KCTD1: variants seen among roughly 807,000 people sequenced by gnomAD.
The protein encoded by KCTD1 is potassium channel tetramerization domain containing 1.
Under a neutral mutation model 66.0 loss-of-function variants are expected in KCTD1, and 24 were observed. The ratio of observed to expected loss-of-function variants is 0.36; its 90% CI spans 0.26 to 0.51. The LOEUF (loss-of-function observed/expected upper bound fraction) is 0.51, where lower values mean the gene tolerates loss of function less well. Ranked by LOEUF, KCTD1 falls within the 20% of genes least tolerant of loss-of-function variation. The pLI, the probability that KCTD1 is intolerant of heterozygous loss-of-function variation, is 0.95. For synonymous variants in KCTD1, 511 were observed against 517.2 expected, an observed-to-expected ratio of 0.99 and a Z score of 0.16; for missense variants, 943 against 1,205.2, an observed-to-expected ratio of 0.78 and a Z score of 3.22.
intron 1 of KCTD1, among the ~76,000 whole-genome samples, chr18:26,618,053 T>C (rs1987296204): frequency 6.7e-6 from 1 of 149,540 alleles, no homozygotes; most frequent in Non-Finnish European, 1.5e-5. Flanking sequence ...GCAGTGTTAA[T>C]GAGGAAAAAA....
At chr18:26,549,791 C>T (rs1383823720), upstream of KCTD1, 3 of 984,984 alleles carry the variant, frequency 3.0e-6, no homozygotes, top group Non-Finnish European at 3.6e-6. Context: ...CGCGCGGGGG[C>T]GGGCACCTCG....
At chr18:26,555,252 A>G (rs1379159790) in intron 1 of KCTD1, among the ~76,000 whole-genome samples, 3 of 152,214 alleles carry the variant, frequency 2.0e-5, no homozygotes, top group Non-Finnish European at 4.4e-5. Flanking sequence ...GAACTTAAAC[A>G]CTTTCTACCC....
At chr18:26,460,989 A>G (rs1454787007) in intron 3 of KCTD1, 2 of 152,188 alleles carry the variant, frequency 1.3e-5, no homozygotes, top group Non-Finnish European at 2.9e-5. Flanking sequence ...TGACACAGGC[A>G]TTTGTGCCTT....
chr18:26,516,783 A>G (rs2144735626), intron 1 of KCTD1, among the ~76,000 whole-genome samples: 1 of 152,312 alleles, frequency 6.6e-6, no homozygotes, highest in East Asian at 1.9e-4. Flanking sequence ...AGGCTCTAGA[A>G]TGGAGTGCTC....
chr18:26,500,422 A>AAAT (rs1186623403), intron 2 of KCTD1, among the ~76,000 whole-genome samples: 145 of 152,146 alleles, frequency 9.5e-4, no homozygotes, highest in African/African-American at 3.4e-3. Context: ...CCTGGCTCCA[A>AAAT]AATAATAATA....
At chr18:26,549,052 G>A (rs2144847051), upstream of KCTD1, 6 of 985,156 alleles carry the variant, frequency 6.1e-6, no homozygotes, top group Middle Eastern at 5.2e-4. Context: ...GCTGCGCCGG[G>A]CGGGCCGCGG....
At chr18:26,456,210 C>T (rs1980079814) in intron 4 of KCTD1, 1 of 249,362 alleles carries the variant, frequency 4.0e-6, no homozygotes, top group Non-Finnish European at 7.6e-6. Flanking sequence ...GACTGGGTTT[C>T]CAACTCAGGT....
chr18:26,541,241 C>T (rs7232842), intron 1 of KCTD1, among the ~76,000 whole-genome samples: 13,326 of 152,206 alleles, frequency 0.088, 733 homozygotes, highest in East Asian at 0.21. Flanking sequence ...GAATCACACA[C>T]CTCAGGATGG....
chr18:26,615,650 C>T (rs1987233857), intron 1 of KCTD1, among the ~76,000 whole-genome samples: 1 of 152,152 alleles, frequency 6.6e-6, no homozygotes, highest in African/African-American at 2.4e-5. Flanking sequence ...AGCATTCTAC[C>T]CCGTTCTGAT....
At chr18:26,549,123 A>G, upstream of KCTD1, 1 of 984,746 alleles carries the variant, frequency 1.0e-6, no homozygotes, top group Non-Finnish European at 1.2e-6. Flanking sequence ...AGGCAGGTTA[A>G]TGAGCAGGGT....
At chr18:26,471,415 G>A (rs943420866) in intron 3 of KCTD1, among the ~76,000 whole-genome samples, 3 of 151,890 alleles carry the variant, frequency 2.0e-5, no homozygotes, top group South Asian at 2.1e-4. Flanking sequence ...TAAGACTTCC[G>A]AGTAAAACTA....
In KCTD1 at chr18:26,476,575, C is replaced by T; in HGVS notation, c.2073G>A (p.Met691Ile). ...GTAGAAAATTCAAGATATATCTGAA[C>T]ATCTGTCCATCTCTGTCAATGAAAT... ...QHYFIDRDGQ[M>I]FRYILNFLRT... Residue 691 changes from methionine (M) to isoleucine (I), a missense_variant, in exon 3 of 5, where the codon ATG (methionine) becomes ATA (isoleucine). This residue lies in a region of KCTD1 where 162 missense variants were observed against 232.4 expected (regional missense o/e 0.70). Coordinates refer to ENST00000580059, the MANE Select transcript of KCTD1 (RefSeq NM_001142730.3). This position sits in a 1 kb window ranked among gnomAD's most constrained non-coding sequence, Gnocchi z 4.9. The T allele has an allele frequency of 6.2e-7, 1 of 1,613,524 alleles. No individual in the cohort carries two copies. Among genetic ancestry groups the T allele is most frequent in the East Asian group, 2.2e-5 (1 of 44,868 alleles).
At chr18:26,509,401 A>C (rs900274481) in intron 1 of KCTD1, among the ~76,000 whole-genome samples, 1 of 151,974 alleles carries the variant, frequency 6.6e-6, no homozygotes, top group African/African-American at 2.4e-5. Flanking sequence ...AATTTTTTTT[A>C]ATTTTATTTT....
At chr18:26,483,096 T>C (rs1005205907) in intron 2 of KCTD1, among the ~76,000 whole-genome samples, 1 of 152,204 alleles carries the variant, frequency 6.6e-6, no homozygotes, top group Non-Finnish European at 1.5e-5. Flanking sequence ...ACAAATGACA[T>C]CTTTAGCATT....
intron 1 of KCTD1, among the ~76,000 whole-genome samples, chr18:26,614,156 C>A (rs483309): frequency 6.6e-6 from 1 of 152,232 alleles, no homozygotes; most frequent in African/African-American, 2.4e-5. Context: ...AGTCTAGTGT[C>A]TACTCCATGG....
intron 2 of KCTD1, among the ~76,000 whole-genome samples, chr18:26,490,511 T>G (rs935525125): frequency 3.9e-5 from 6 of 152,196 alleles, no homozygotes; most frequent in African/African-American, 1.4e-4. Flanking sequence ...ATGTAAATCT[T>G]TGCTGCCCAT....
At chr18:26,637,322 A>G (rs1192233347) in intron 1 of KCTD1, among the ~76,000 whole-genome samples, 1 of 152,182 alleles carries the variant, frequency 6.6e-6, no homozygotes, top group Non-Finnish European at 1.5e-5. Context: ...AACACTCCAA[A>G]GTGTAAACTT....
chr18:26,652,128 G>A (rs531843737), intron 1 of KCTD1, among the ~76,000 whole-genome samples: 1 of 152,284 alleles, frequency 6.6e-6, no homozygotes, highest in African/African-American at 2.4e-5. Flanking sequence ...GACTTGGGGT[G>A]GCTCCTCCAG....
At chr18:26,571,747 A>G (rs1986111847) in intron 1 of KCTD1, among the ~76,000 whole-genome samples, 1 of 152,216 alleles carries the variant, frequency 6.6e-6, no homozygotes, top group Admixed American at 6.5e-5. Flanking sequence ...TAAATATGGT[A>G]TGGTGACCGT....
Sources: allele counts gnomAD v4.1 joint callset (sites outside exome capture counted in the v4.1 genomes callset), GRCh38; gene constraint gnomAD v4.1.1; regional missense constraint gnomAD v4.1.1; non-coding constraint Gnocchi (gnomAD v3.1); transcripts MANE v1.5; gene names NCBI Gene and HGNC (gene_info 2026-07-23, HGNC 2026-07-21).